Variants in ZNF365 observed in about 807,000 individuals in gnomAD.
ZNF365 encodes protein ZNF365.
In ZNF365, 22 loss-of-function variants were observed where a neutral mutation model predicts 35.0. The ratio of observed to expected loss-of-function variants is 0.63; its 90% CI spans 0.45 to 0.90. The LOEUF is 0.90. ZNF365 is among the 40% of genes least tolerant of loss of function. ZNF365 has a pLI of 0.00. For synonymous variants in ZNF365, 188 were observed against 196.2 expected (o/e 0.96, Z 0.35); for missense variants, 448 against 500.3 (o/e 0.90, Z 1.00).
intron 3 of ZNF365, among the ~76,000 whole-genome samples, chr10:62,413,929 C>G (rs941682862): frequency 6.6e-6 from 1 of 152,130 alleles, no homozygotes; most frequent in African/African-American, 2.4e-5. Flanking sequence ...ATCTTCCTTT[C>G]TTTGGTTCAG....
chr10:62,440,429 G>A (rs1366418130), intron 3 of ZNF365, among the ~76,000 whole-genome samples: 2 of 152,030 alleles, frequency 1.3e-5, no homozygotes, highest in African/African-American at 4.8e-5. Flanking sequence ...AGACTGCAAT[G>A]TCTGTTGTTT....
chr10:62,440,978 C>A (rs1840491116), intron 3 of ZNF365, among the ~76,000 whole-genome samples: 1 of 152,172 alleles, frequency 6.6e-6, no homozygotes, highest in Admixed American at 6.5e-5. Context: ...AGGCCCTCTT[C>A]AAGTGGGCAA....
chr10:62,450,892 A>C (rs984973524), intron 3 of ZNF365, among the ~76,000 whole-genome samples: 1 of 152,232 alleles, frequency 6.6e-6, no homozygotes, highest in East Asian at 1.9e-4. Context: ...CCCCTGACAT[A>C]AAGTTTATTT....
chr10:62,396,291 G>A (rs1395679186), intron 3 of ZNF365, among the ~76,000 whole-genome samples: 1 of 152,208 alleles, frequency 6.6e-6, no homozygotes, highest in African/African-American at 2.4e-5. Context: ...GTGAAGCCTT[G>A]CTCAGGCTTG....
At chr10:62,437,184 A>G (rs565439139) in intron 3 of ZNF365, among the ~76,000 whole-genome samples, 3 of 152,290 alleles carry the variant, frequency 2.0e-5, no homozygotes, top group Admixed American at 2.0e-4. Flanking sequence ...TGTTTTGGAA[A>G]ATAGGATTGG....
Position 62,399,602 on chromosome 10 carries a change from A to C in ZNF365, c.1037A>C (p.His346Pro), listed in dbSNP as rs1367296829. The C allele has an allele frequency of 6.2e-7, 1 of 1,614,018 alleles. No homozygotes were observed. Among genetic ancestry groups the C allele is most frequent in the East Asian group, 2.2e-5 (1 of 44,894 alleles). ...CATTTCCACCCAAAGGGAAGGAACC[A>C]CCTGAAAAAGGCCAAGGATGACAGA... ...KAHFHPKGRN[H>P]LKKAKDDRAS... The change falls in exon 5 of 5, where the codon CAC becomes CCC. Residue 346 changes from histidine to proline, a missense_variant. Physicochemically the swap from His to Pro is moderately conservative, Grantham distance 77 (BLOSUM62 -2). This residue lies in a region of ZNF365 where 362 missense variants were observed against 375.7 expected (regional missense o/e 0.96). Transcript: ENST00000395254.
At chr10:62,384,272 G>C (rs1167911692) in intron 2 of ZNF365, among the ~76,000 whole-genome samples, 2 of 152,060 alleles carry the variant, frequency 1.3e-5, no homozygotes, top group Non-Finnish European at 2.9e-5. Context: ...ACTGTATTCT[G>C]AGTCACAGGG....
intron 3 of ZNF365, among the ~76,000 whole-genome samples, chr10:62,412,110 T>A (rs1261507974): frequency 2.0e-5 from 3 of 152,126 alleles, no homozygotes; most frequent in Non-Finnish European, 2.9e-5. Context: ...GCTTCTTCCC[T>A]GGGATGCAAG....
At chr10:62,422,251 C>G (rs976859148) in intron 3 of ZNF365, among the ~76,000 whole-genome samples, 2 of 152,082 alleles carry the variant, frequency 1.3e-5, no homozygotes, top group Non-Finnish European at 2.9e-5. Context: ...GATGAAACTT[C>G]TAGGGTTGGG....
In ZNF365 at chr10:62,376,664, C is replaced by A; in HGVS notation, c.471C>A (p.Phe157Leu). The A allele has an allele frequency of 6.2e-7, 1 of 1,614,100 alleles. No homozygotes were observed. The highest frequency in any genetic ancestry group is 8.5e-7 in the Non-Finnish European group (1 of 1,180,046). ...CCACCTCAGACACCAAAGCTTCTTTCGAGGCACATGTCAGAGAAAAATTCA... is the reference window on the plus strand; with the variant it reads ...CCACCTCAGACACCAAAGCTTCTTTAGAGGCACATGTCAGAGAAAAATTCA... ...GLPTSDTKASFEAHVREKFNR... is the reference protein window; with the variant it reads ...GLPTSDTKASLEAHVREKFNR... The change falls in exon 2 of 5, where the codon TTC (phenylalanine) becomes TTA (leucine). Residue 157 changes from phenylalanine (F) to leucine (L), a missense_variant. Phe to Leu is a conservative substitution (Grantham distance 22). This residue lies in a region of ZNF365 where 362 missense variants were observed against 375.7 expected (regional missense o/e 0.96). Transcript: ENST00000395254.
At chr10:62,406,925 C>T (rs1342392313), downstream of ZNF365, among the ~76,000 whole-genome samples, 1 of 152,150 alleles carries the variant, frequency 6.6e-6, no homozygotes. Flanking sequence ...TGTAGAGATT[C>T]AGGAGATCCA....
In ZNF365 at chr10:62,401,991, G is replaced by A; in HGVS notation, c.*2202G>A. 1.0e-6 allele frequency: 1 copy of A among 985,528 alleles called. No homozygotes were observed. Among genetic ancestry groups the A allele is most frequent in the Non-Finnish European group, 1.2e-6 (1 of 829,910 alleles). 61.0% of individuals were successfully genotyped at this position (985,528 alleles called of 1,614,324 possible). ...GTTATGTATGTTGTGCCTCCTTAGAGACATAAATTTAGTGTCAAAACATGG... is the reference window on the plus strand; with the variant it reads ...GTTATGTATGTTGTGCCTCCTTAGAAACATAAATTTAGTGTCAAAACATGG... On this transcript the variant is annotated 3_prime_UTR_variant, in exon 5 of 5. Coordinates refer to ENST00000395254, the MANE Select transcript of ZNF365 (RefSeq NM_014951.3).
intron 4 of ZNF365, among the ~76,000 whole-genome samples, chr10:62,466,827 G>A (rs1035756360): frequency 6.6e-6 from 1 of 151,912 alleles, no homozygotes; most frequent in African/African-American, 2.4e-5. Flanking sequence ...TTTGGGACAG[G>A]GTCTCACTCT....
intron 3 of ZNF365, among the ~76,000 whole-genome samples, chr10:62,410,176 C>T (rs1176105553): frequency 6.6e-6 from 1 of 152,102 alleles, no homozygotes; most frequent in Admixed American, 6.5e-5. Flanking sequence ...GTTTTGTTCA[C>T]TGACTGCTAC....
At chr10:62,445,329 T>C (rs1161611532) in intron 3 of ZNF365, among the ~76,000 whole-genome samples, 6 of 151,362 alleles carry the variant, frequency 4.0e-5, no homozygotes, top group Non-Finnish European at 7.4e-5. Context: ...TTTCTAGTTC[T>C]AGATCCCTGA....
intron 3 of ZNF365, among the ~76,000 whole-genome samples, chr10:62,418,487 C>G (rs1840115279): frequency 6.6e-6 from 1 of 152,032 alleles, no homozygotes; most frequent in South Asian, 2.1e-4. Flanking sequence ...GTGCAGCAAC[C>G]AATCAGAAGG....
chr10:62,444,733 C>T lies in ZNF365; in HGVS notation c.925-15008C>T, dbSNP rs772463776. ...CATCAACTCCAGGGAAGCCTTCTTA[C>T]CTCTTTCAGGCAGATGCAGTCCCCA... On this transcript the variant is annotated intron_variant, in intron 3 of 4. Coordinates refer to the ZNF365 transcript ENST00000395255. 1.8e-4 allele frequency among the ~76,000 whole-genome samples: 28 copies of T among 152,134 alleles called. 1 individual carries two copies. Among genetic ancestry groups the T allele is most frequent in the Non-Finnish European group, 2.9e-4 (20 of 68,008 alleles).
At chr10:62,420,514 A>AT (rs1365909538) in intron 3 of ZNF365, among the ~76,000 whole-genome samples, 3 of 152,280 alleles carry the variant, frequency 2.0e-5, no homozygotes, top group East Asian at 3.9e-4. Flanking sequence ...TGATTCACAT[A>AT]TTTTTTCACA....
At chr10:62,386,826 G>A (rs1206411935) in intron 2 of ZNF365, among the ~76,000 whole-genome samples, 3 of 152,216 alleles carry the variant, frequency 2.0e-5, no homozygotes, top group Non-Finnish European at 4.4e-5. Context: ...TAAAGATCAA[G>A]TGGAGGTTGA....
Sources: allele counts gnomAD v4.1 joint callset (sites outside exome capture counted in the v4.1 genomes callset), GRCh38; gene constraint gnomAD v4.1.1; regional missense constraint gnomAD v4.1.1; transcripts MANE v1.5; gene names NCBI Gene and HGNC (gene_info 2026-07-23, HGNC 2026-07-21).